CLN3: variants seen among roughly 807,000 people sequenced by gnomAD.
CLN3 encodes CLN3 lysosomal/endosomal transmembrane protein, battenin, also known as battenin.
In CLN3, 49 loss-of-function variants were observed where a neutral mutation model predicts 60.7. The observed-to-expected ratio is 0.81, with a 90% CI of 0.64 to 1.02. The LOEUF (loss-of-function observed/expected upper bound fraction) is 1.02, where lower values mean the gene tolerates loss of function less well. Ranked by LOEUF, CLN3 falls within the 50% of genes least tolerant of loss-of-function variation. The pLI is 0.00. For synonymous variants in CLN3, 256 were observed against 245.8 expected, an observed-to-expected ratio of 1.04 and a Z score of -0.39; for missense variants, 516 against 557.4, an observed-to-expected ratio of 0.93 and a Z score of 0.75.
chr16:28,469,508 G>T (rs2045926709), downstream of CLN3, among the ~76,000 whole-genome samples: 1 of 148,966 alleles, frequency 6.7e-6, no homozygotes, highest in Non-Finnish European at 1.5e-5. Context: ...TGAGGCAGGA[G>T]AATCGCTCAA....
chr16:28,477,243 A>G, downstream of CLN3: 2 of 506,224 alleles, frequency 4.0e-6, no homozygotes, highest in South Asian at 4.2e-5. Flanking sequence ...TTTCATAATA[A>G]AAGTTTCTTT....
chr16:28,484,036 T>C lies in CLN3; in HGVS notation c.760A>G (p.Ile254Val). 6.2e-7 allele frequency: 1 copy of C among 1,611,982 alleles called. No individual in the cohort carries two copies. Among genetic ancestry groups the C allele is most frequent in the Non-Finnish European group, 8.5e-7 (1 of 1,179,146 alleles). ...EAESAARQPLIRTEAPESKPG... is the reference protein window; with the variant it reads ...EAESAARQPLVRTEAPESKPG... ...TTCGACTCCGGGGCCTCGGTTCTTATGAGGGGCTGCCGGGCTGCGCTCTCT... is the reference window on the plus strand; with the variant it reads ...TTCGACTCCGGGGCCTCGGTTCTTACGAGGGGCTGCCGGGCTGCGCTCTCT... The change falls in exon 10 of 16, where the codon ATA (isoleucine) becomes GTA (valine). Residue 254 changes from isoleucine (I) to valine (V), a missense_variant. Coordinates refer to ENST00000636147, the MANE Select transcript of CLN3 (RefSeq NM_001042432.2).
chr16:28,485,996 CTTT>C (rs901586676), intron 9 of CLN3, among the ~76,000 whole-genome samples: 1 of 145,290 alleles, frequency 6.9e-6, no homozygotes, highest in Non-Finnish European at 1.5e-5. Flanking sequence ...TCTTTTCTTT[CTTT>C]TTTTTTTTTT....
chr16:28,491,830 G>T lies in CLN3; in HGVS notation c.-71C>A. The T allele has an allele frequency of 6.4e-7, 1 of 1,573,586 alleles. No homozygotes were observed. The highest frequency in any genetic ancestry group is 8.7e-7 in the Non-Finnish European group (1 of 1,155,434). Reference sequence around the variant, plus strand: ...CAAAGGGGGCTCCCACGGGAGGGATGAGGGTCTGCGACAGGTGACAAGGAT... The same window carrying T: ...CAAAGGGGGCTCCCACGGGAGGGATTAGGGTCTGCGACAGGTGACAAGGAT... On this transcript the variant is annotated 5_prime_UTR_variant, in exon 2 of 16. Coordinates refer to ENST00000636147, the MANE Select transcript of CLN3 (RefSeq NM_001042432.2).
chr16:28,483,953 G>C, intron 10 of CLN3, 53 bp downstream of exon 10: 1 of 1,367,972 alleles, frequency 7.3e-7, no homozygotes, highest in Non-Finnish European at 1.0e-6. Context: ...GAGAGGAAAA[G>C]GCCAAACCCA....
Position 28,481,456 on chromosome 16 carries a change from A to ACACG in CLN3, c.1056+648_1056+649insCGTG, listed in dbSNP as rs1555468014. Among the ~76,000 whole-genome samples the ACACG allele has an allele frequency of 3.1e-3, 219 of 70,202 alleles. 1 individual carries two copies. The highest frequency in any genetic ancestry group is 7.1e-3 in the African/African-American group (202 of 28,650). The allele number at this position is 70,202 out of a possible 152,430, so 46.1% of individuals were successfully genotyped here. ...CACACACACACACACACACACACGC[A>ACACG]CACACACACACACACACACTACAAA... On this transcript the variant is annotated intron_variant, in intron 14 of 15. Coordinates refer to ENST00000636147, the MANE Select transcript of CLN3 (RefSeq NM_001042432.2).
chr16:28,487,548 G>A lies in CLN3; in HGVS notation c.375-7C>T, dbSNP rs1224517800. The A allele has an allele frequency of 6.2e-7, 1 of 1,612,924 alleles. No homozygotes were observed. The highest frequency in any genetic ancestry group is 1.3e-5 in the African/African-American group (1 of 74,876). On this transcript the variant is annotated splice_region_variant and splice_polypyrimidine_tract_variant and intron_variant, in intron 6 of 15. Coordinates refer to ENST00000636147, the MANE Select transcript of CLN3 (RefSeq NM_001042432.2). ...ACTGACGAGAACCCGGGGGCTGAGG[G>A]GGTGAGAAGGGAAGGGAGGGGGAAG...
chr16:28,481,227 C>T (rs141453692), intron 14 of CLN3, among the ~76,000 whole-genome samples: 15 of 152,160 alleles, frequency 9.9e-5, no homozygotes, highest in African/African-American at 3.6e-4. Flanking sequence ...CCTCCCACCT[C>T]AGCTTCCCAG....
In CLN3 at chr16:28,482,649, G is replaced by A. The variant is rs113041302; in HGVS notation, c.814C>T (p.Arg272Trp). The change falls in exon 11 of 16, where the codon CGG becomes TGG. Residue 272 changes from arginine (R) to tryptophan (W), a missense_variant. Physicochemically the swap from Arg to Trp is moderately radical, Grantham distance 101 (BLOSUM62 -3). Transcript: ENST00000636147. Reference protein sequence around the residue: ...KPGSSSSLSLRERWTVFKGLL... With the variant: ...KPGSSSSLSLWERWTVFKGLL... ...ACCTTGAACACTGTCCACCTTTCCC[G>A]AAGGGAGAGGCTGGAGCTGGAGCCT... The A allele has an allele frequency of 9.3e-6, 15 of 1,614,178 alleles. No homozygotes were observed. Among genetic ancestry groups the A allele is most frequent in the African/African-American group, 4.0e-5 (3 of 75,050 alleles).
intron 2 of CLN3, 52 bp from the exon 3 acceptor site, chr16:28,491,612 C>A (rs1167455417): frequency 6.2e-7 from 1 of 1,613,470 alleles, no homozygotes; most frequent in Admixed American, 1.7e-5. Context: ...GGTGCACGAC[C>A]GCTCCTTGCG....
chr16:28,484,287 G>A, intron 9 of CLN3, 169 bp from the exon 10 acceptor site: 1 of 644,248 alleles, frequency 1.6e-6, no homozygotes, highest in South Asian at 1.7e-5. Flanking sequence ...TCCAATTGTG[G>A]ACAAAGGCTT....
At chr16:28,480,803 C>A (rs960308476) in intron 14 of CLN3, among the ~76,000 whole-genome samples, 1 of 152,176 alleles carries the variant, frequency 6.6e-6, no homozygotes, top group African/African-American at 2.4e-5. Flanking sequence ...AACCTTGAAA[C>A]AATGAATGCT....
intron 9 of CLN3, 124 bp downstream of exon 9, chr16:28,486,223 C>T (rs1279580373): frequency 3.1e-6 from 4 of 1,278,464 alleles, no homozygotes. Context: ...GTTTCCTGAC[C>T]TTAGGCGATC....
rs1039039106 is a variant in CLN3, at chr16:28,487,552, G to A, written c.375-11C>T. Reference sequence around the variant, plus strand: ...ACGAGAACCCGGGGGCTGAGGGGGTGAGAAGGGAAGGGAGGGGGAAGGTCG... The same window carrying A: ...ACGAGAACCCGGGGGCTGAGGGGGTAAGAAGGGAAGGGAGGGGGAAGGTCG... On this transcript the variant is annotated splice_polypyrimidine_tract_variant and intron_variant, in intron 6 of 15. Transcript: ENST00000636147. 1 of 1,612,540 alleles carries A rather than the reference G, an allele frequency of 6.2e-7. No individual in the cohort carries two copies. The highest frequency in any genetic ancestry group is 8.5e-7 in the Non-Finnish European group (1 of 1,178,722).
downstream of CLN3, among the ~76,000 whole-genome samples, chr16:28,473,602 T>C (rs1301267121): frequency 1.3e-5 from 2 of 152,156 alleles, no homozygotes; most frequent in Non-Finnish European, 2.9e-5. Context: ...TCAAAATAAG[T>C]GTCTTTCCGT....
chr16:28,478,172 T>C (rs189708804), intron 14 of CLN3, among the ~76,000 whole-genome samples: 3 of 151,706 alleles, frequency 2.0e-5, no homozygotes, highest in Admixed American at 2.0e-4. Context: ...TATCTGGGTG[T>C]AGTGGTTCTG....
rs375783214 is a variant in CLN3, at chr16:28,489,416, C to T, written c.126-30G>A. ...AAGGAGCAGGACAGGTCTCAACTCCCTCCTCATCCTGCAGCCATCTGTAGC... is the reference window on the plus strand; with the variant it reads ...AAGGAGCAGGACAGGTCTCAACTCCTTCCTCATCCTGCAGCCATCTGTAGC... On this transcript the variant is annotated intron_variant, in intron 3 of 15. Coordinates refer to ENST00000636147, the MANE Select transcript of CLN3 (RefSeq NM_001042432.2). 2.3e-5 allele frequency: 34 copies of T among 1,485,470 alleles called. No individual in the cohort carries two copies. The African/African-American group carries it at 4.6e-4, about 20-fold the overall frequency. The allele number at this position is 1,485,470 out of a possible 1,614,324, so 92.0% of individuals were successfully genotyped here. A position where few individuals can be genotyped will look rare whatever the true frequency, so the allele number is the denominator to read the frequency against.
At chr16:28,490,766 A>G (rs1229471999) in intron 3 of CLN3, among the ~76,000 whole-genome samples, 2 of 150,542 alleles carry the variant, frequency 1.3e-5, no homozygotes, top group African/African-American at 2.4e-5. Context: ...TCTCAAAAAA[A>G]AAAAAAAAAA....
chr16:28,473,789 A>G (rs2045970454), downstream of CLN3, among the ~76,000 whole-genome samples: 1 of 152,228 alleles, frequency 6.6e-6, no homozygotes, highest in Admixed American at 6.5e-5. Context: ...AAAAATGGGC[A>G]AAGGATCTGA....
Sources: allele counts gnomAD v4.1 joint callset (sites outside exome capture counted in the v4.1 genomes callset), GRCh38; gene constraint gnomAD v4.1.1; transcripts MANE v1.5; gene names NCBI Gene and HGNC (gene_info 2026-07-23, HGNC 2026-07-21).